Variants in NTM observed in about 807,000 individuals in gnomAD.
NTM encodes IgLON family member 2.
In NTM, 13 loss-of-function variants were observed where a neutral mutation model predicts 42.1. The observed-to-expected ratio is 0.31, with a 90% CI of 0.20 to 0.49. The LOEUF is 0.49. Ranked by LOEUF, NTM falls within the 20% of genes least tolerant of loss-of-function variation. NTM has a pLI of 0.99. For missense variants in NTM, 373 were observed against 452.8 expected, an observed-to-expected ratio of 0.82 and a Z score of 1.60; for synonymous variants, 187 against 179.2, an observed-to-expected ratio of 1.04 and a Z score of -0.35.
chr11:132,321,282 A>C (rs553325142), intron 7 of NTM, among the ~76,000 whole-genome samples: 3 of 152,252 alleles, frequency 2.0e-5, no homozygotes, highest in African/African-American at 7.2e-5. Flanking sequence ...ACTTTGAAAA[A>C]AATTTAGAAG....
intron 1 of NTM, among the ~76,000 whole-genome samples, chr11:131,789,636 A>AGGAGAAGAAGAAGAAGAAGAAGAAGAAG (rs1555127949): frequency 3.2e-5 from 1 of 30,900 alleles, no homozygotes; most frequent in Non-Finnish European, 7.3e-5. Flanking sequence ...AAGAAGAAGA[A>AGGAGAAGAAGAAGAAGAAGAAGAAGAAG]AAGAAGAAGA....
intron 1 of NTM, among the ~76,000 whole-genome samples, chr11:131,608,690 TTC>T (rs890071014): frequency 6.6e-6 from 1 of 152,298 alleles, no homozygotes; most frequent in Admixed American, 6.5e-5. Context: ...CTTTTTGTCT[TTC>T]TCTCTCTCCC....
intron 1 of NTM, among the ~76,000 whole-genome samples, chr11:131,710,844 A>T (rs949029306): frequency 2.6e-5 from 4 of 152,160 alleles, no homozygotes; most frequent in Non-Finnish European, 5.9e-5. Flanking sequence ...ACCTAGAAGG[A>T]TCACACCTCA....
At chr11:132,190,064 C>T (rs141719314) in intron 3 of NTM, among the ~76,000 whole-genome samples, 2 of 152,282 alleles carry the variant, frequency 1.3e-5, no homozygotes, top group East Asian at 1.9e-4. Context: ...TTAATTCTGG[C>T]CAGGGGAGTT....
At chr11:131,584,740 GA>G (rs2058708123) in intron 1 of NTM, among the ~76,000 whole-genome samples, 1 of 152,224 alleles carries the variant, frequency 6.6e-6, no homozygotes, top group Admixed American at 6.5e-5. Context: ...ACCCTGGACG[GA>G]GCCATTTCAC....
intron 1 of NTM, among the ~76,000 whole-genome samples, chr11:131,533,512 T>A (rs1376851889): frequency 6.6e-6 from 1 of 152,094 alleles, no homozygotes; most frequent in Non-Finnish European, 1.5e-5. Flanking sequence ...CCTGACTCAA[T>A]CAGGAAAAGC....
intron 1 of NTM, among the ~76,000 whole-genome samples, chr11:131,588,941 G>A (rs185516869): frequency 6.6e-6 from 1 of 152,164 alleles, no homozygotes; most frequent in East Asian, 1.9e-4. Context: ...ATTAACAGGT[G>A]TGGCTCATGC....
At chr11:131,522,959 T>C (rs968081937) in intron 1 of NTM, among the ~76,000 whole-genome samples, 14 of 152,248 alleles carry the variant, frequency 9.2e-5, no homozygotes, top group African/African-American at 3.1e-4. Context: ...GATTTTAATA[T>C]GTAACCAGAG....
intron 1 of NTM, among the ~76,000 whole-genome samples, chr11:131,593,900 A>G (rs1266143074): frequency 2.0e-5 from 3 of 152,074 alleles, no homozygotes; most frequent in Non-Finnish European, 4.4e-5. Context: ...CCTGTATTTC[A>G]TTTTATTTCC....
At chr11:131,781,070 CACTA>C (rs1165907446) in intron 1 of NTM, among the ~76,000 whole-genome samples, 2 of 151,886 alleles carry the variant, frequency 1.3e-5, no homozygotes, top group African/African-American at 4.8e-5. Context: ...GCAAAAAAAT[CACTA>C]ACTATGAAAA....
intron 1 of NTM, among the ~76,000 whole-genome samples, chr11:131,806,571 T>G (rs1296060043): frequency 6.6e-6 from 1 of 152,156 alleles, no homozygotes. Context: ...TTATATTATC[T>G]GTACTACCCT....
chr11:132,178,399 T>C (rs1296212887), intron 3 of NTM, among the ~76,000 whole-genome samples: 1 of 152,218 alleles, frequency 6.6e-6, no homozygotes, highest in African/African-American at 2.4e-5. Context: ...TCAGGAGGCT[T>C]AAAAAGAAAT....
intron 2 of NTM, among the ~76,000 whole-genome samples, chr11:131,986,802 G>A (rs2066142275): frequency 6.6e-6 from 1 of 152,056 alleles, no homozygotes; most frequent in East Asian, 1.9e-4. Flanking sequence ...TATAAAGGGG[G>A]TTCAATAAGT....
rs57073522 is a variant in NTM, at chr11:131,641,576, T to C, written c.83-269988T>C. Among the ~76,000 whole-genome samples, 1,266 of 152,284 alleles carry C rather than the reference T, an allele frequency of 8.3e-3. 15 individuals carry two copies. The highest frequency in any genetic ancestry group is 0.027 in the African/African-American group (1,110 of 41,548). ...TGTCTGGGGTTTTGAACTGTCAGCC[T>C]GCCTGCCATTTCCAAGGGGGGGAAG... On this transcript the variant is annotated intron_variant, in intron 1 of 8. Coordinates refer to ENST00000683400, the MANE Select transcript of NTM (RefSeq NM_001352005.2).
intron 1 of NTM, among the ~76,000 whole-genome samples, chr11:131,542,903 A>C (rs1258935793): frequency 6.6e-6 from 1 of 152,120 alleles, no homozygotes; most frequent in Non-Finnish European, 1.5e-5. Flanking sequence ...AGTATGTCTG[A>C]CCTACACCCA....
At chr11:131,508,936 G>C (rs868512224) in intron 1 of NTM, among the ~76,000 whole-genome samples, 27 of 150,338 alleles carry the variant, frequency 1.8e-4, no homozygotes, top group Non-Finnish European at 2.2e-4. Flanking sequence ...CCTAATGCTA[G>C]ATGACGAGTT....
chr11:132,323,610 G>A (rs1273335535), intron 7 of NTM, among the ~76,000 whole-genome samples: 2 of 152,168 alleles, frequency 1.3e-5, no homozygotes, highest in Non-Finnish European at 1.5e-5. Context: ...AGGAGGAACT[G>A]GTACCATTCC....
intron 2 of NTM, among the ~76,000 whole-genome samples, chr11:132,063,180 T>A (rs2080944433): frequency 6.6e-6 from 1 of 152,154 alleles, no homozygotes; most frequent in South Asian, 2.1e-4. Context: ...CTCCTCTCCC[T>A]TTTGGGAGCC....
At chr11:131,549,119 GAA>G (rs1417296145) in intron 1 of NTM, among the ~76,000 whole-genome samples, 2 of 152,146 alleles carry the variant, frequency 1.3e-5, no homozygotes, top group Non-Finnish European at 2.9e-5. Context: ...GCGATATCAA[GAA>G]AACATAGAAA....
Sources: gnomAD v4.1 joint callset for allele counts (sites outside exome capture counted in the v4.1 genomes callset) on GRCh38, gnomAD v4.1.1 for gene constraint, MANE v1.5 for transcripts, NCBI Gene and HGNC (gene_info 2026-07-23, HGNC 2026-07-21) for gene names.